MCC: variants seen among roughly 807,000 people sequenced by gnomAD.
MCC encodes colorectal mutant cancer protein.
MCC carries 90 observed loss-of-function variants against 116.2 expected under a neutral mutation model. That is an observed-to-expected ratio of 0.77 (90% confidence interval 0.65 to 0.92). The LOEUF is 0.92. Among genes scored for constraint, MCC ranks in the 40% least tolerant of loss-of-function variants. The probability of loss-of-function intolerance (pLI) is 0.00; values close to 1 mark genes in which losing one functional copy is unlikely to be tolerated. For missense variants in MCC, 1,516 were observed against 1,312.2 expected, an observed-to-expected ratio of 1.16 and a Z score of -2.40; for synonymous variants, 578 against 510.5, an observed-to-expected ratio of 1.13 and a Z score of -1.78.
At chr5:113,150,196 A>G (rs184604204) in intron 4 of MCC, among the ~76,000 whole-genome samples, 3 of 152,324 alleles carry the variant, frequency 2.0e-5, no homozygotes, top group Admixed American at 2.0e-4. Flanking sequence ...CCAGACAGTG[A>G]CAGAAAGCAG....
intron 1 of MCC, among the ~76,000 whole-genome samples, chr5:113,439,593 G>GT (rs1561573562): frequency 1.3e-5 from 2 of 152,178 alleles, no homozygotes; most frequent in African/African-American, 2.4e-5. Flanking sequence ...ATGGCCAGTC[G>GT]TAAGTTTTCT....
chr5:113,247,922 T>C (rs929618238), intron 3 of MCC, among the ~76,000 whole-genome samples: 1 of 151,944 alleles, frequency 6.6e-6, no homozygotes, highest in Non-Finnish European at 1.5e-5. Context: ...TGGAAAGCCA[T>C]CAGGAAGCAC....
chr5:113,246,321 A>T (rs915648834), intron 3 of MCC, among the ~76,000 whole-genome samples: 1 of 152,206 alleles, frequency 6.6e-6, no homozygotes, highest in African/African-American at 2.4e-5. Flanking sequence ...TGATAAGCTG[A>T]AAAGTTCATC....
rs758312306 is a variant in MCC, at chr5:113,068,743, T to G, written c.1926-560A>C. On this transcript the variant is annotated intron_variant, in intron 12 of 18. Transcript: ENST00000408903. ...CAGCCCTATGGAGAGGTCCACATGGTGAGTAATGACTAAGGCCTCCAGCCA... is the reference window on the plus strand; with the variant it reads ...CAGCCCTATGGAGAGGTCCACATGGGGAGTAATGACTAAGGCCTCCAGCCA... Among the ~76,000 whole-genome samples the G allele has an allele frequency of 5.3e-4, 80 of 152,202 alleles. 1 individual carries two copies. The highest frequency in any genetic ancestry group is 1.1e-3 in the Non-Finnish European group (74 of 68,034).
chr5:113,050,080 G>A lies in MCC; in HGVS notation c.2449-781C>T, dbSNP rs142125697. On this transcript the variant is annotated intron_variant, in intron 15 of 18. Coordinates refer to ENST00000408903, the MANE Select transcript of MCC (RefSeq NM_001085377.2). Reference sequence around the variant, plus strand: ...GCACTGTGCTAAGTGTTCACATGACGTGGCTCATTTCATCTTCCCAACCTG... The same window carrying A: ...GCACTGTGCTAAGTGTTCACATGACATGGCTCATTTCATCTTCCCAACCTG... Among the ~76,000 whole-genome samples the A allele has an allele frequency of 3.9e-5, 6 of 152,326 alleles. No individual in the cohort carries two copies. The East Asian group carries it at 9.6e-4, about 24-fold the overall frequency.
chr5:113,422,375 A>G (rs1158951507), intron 1 of MCC, among the ~76,000 whole-genome samples: 1 of 152,192 alleles, frequency 6.6e-6, no homozygotes, highest in Non-Finnish European at 1.5e-5. Context: ...AGCATTTATT[A>G]TATTTGTTGT....
At chr5:113,481,636 G>A (rs1431732305) in intron 1 of MCC, among the ~76,000 whole-genome samples, 2 of 152,128 alleles carry the variant, frequency 1.3e-5, no homozygotes, top group African/African-American at 4.8e-5. Flanking sequence ...CTACTCAGGA[G>A]GCTGAGGCAG....
chr5:113,243,721 C>T lies in MCC; in HGVS notation c.628-92299G>A, dbSNP rs535138338. On this transcript the variant is annotated intron_variant, in intron 3 of 18. Transcript: ENST00000408903. ...GTCACTGGCTCAATTGCCTCCTGAA[C>T]GAAGTTAGCAACTCCCAGCCAGGAG... Among the ~76,000 whole-genome samples, 37 of 151,894 alleles carry T rather than the reference C, an allele frequency of 2.4e-4. 1 individual carries two copies. Among genetic ancestry groups the T allele is most frequent in the Non-Finnish European group, 4.4e-4 (30 of 67,950 alleles).
intron 3 of MCC, among the ~76,000 whole-genome samples, chr5:113,188,018 G>A (rs1192683141): frequency 6.6e-6 from 1 of 152,128 alleles, no homozygotes; most frequent in Non-Finnish European, 1.5e-5. Flanking sequence ...CTAGAAAGGG[G>A]AAAGCAGAAG....
chr5:113,438,259 T>A (rs552765205), intron 1 of MCC, among the ~76,000 whole-genome samples: 48 of 152,262 alleles, frequency 3.2e-4, no homozygotes, highest in African/African-American at 2.4e-4. Context: ...TAACTTTTTT[T>A]ATTCTATATC....
intron 3 of MCC, among the ~76,000 whole-genome samples, chr5:113,196,520 T>C (rs1762417017): frequency 6.6e-6 from 1 of 152,210 alleles, no homozygotes; most frequent in Non-Finnish European, 1.5e-5. Context: ...TTAAGTGAAA[T>C]ATTTTGATGT....
chr5:113,085,105 T>C lies in MCC; in HGVS notation c.1545+59A>G, dbSNP rs1055774104. On this transcript the variant is annotated intron_variant, in intron 9 of 18. Transcript: ENST00000408903. Reference sequence around the variant, plus strand: ...GCCTGTACAGTGGCTAGGATGAGCCTGGTGCTTCCAGATAACAGGAGGTGT... The same window carrying C: ...GCCTGTACAGTGGCTAGGATGAGCCCGGTGCTTCCAGATAACAGGAGGTGT... The C allele has an allele frequency of 5.6e-6, 9 of 1,611,134 alleles. No homozygotes were observed. The African/African-American group carries it at 8.0e-5, about 14-fold the overall frequency.
chr5:113,077,772 C>G (rs1754558405), intron 11 of MCC, among the ~76,000 whole-genome samples: 2 of 152,066 alleles, frequency 1.3e-5, no homozygotes, highest in Non-Finnish European at 2.9e-5. Flanking sequence ...CCAACACATT[C>G]AAAAGCTAGC....
At chr5:113,038,903 T>C (rs939853571) in intron 17 of MCC, among the ~76,000 whole-genome samples, 3 of 152,322 alleles carry the variant, frequency 2.0e-5, no homozygotes, top group Non-Finnish European at 4.4e-5. Flanking sequence ...ACGTGGCATT[T>C]TACAGAACCA....
chr5:113,151,955 T>G (rs984690546), intron 3 of MCC, among the ~76,000 whole-genome samples: 71 of 152,202 alleles, frequency 4.7e-4, no homozygotes, highest in African/African-American at 1.7e-3. Context: ...CTTGTACAGT[T>G]GACCCATTTA....
chr5:113,183,452 A>C (rs2150310105), intron 3 of MCC, among the ~76,000 whole-genome samples: 1 of 152,262 alleles, frequency 6.6e-6, no homozygotes, highest in East Asian at 1.9e-4. Context: ...AGAAGAAAGG[A>C]GTGTGGATTG....
chr5:113,209,535 C>T (rs538162134), intron 3 of MCC, among the ~76,000 whole-genome samples: 10 of 152,218 alleles, frequency 6.6e-5, no homozygotes, highest in African/African-American at 1.2e-4. Flanking sequence ...GGATATGGGA[C>T]GACTTTTATG....
At chr5:113,487,741 T>G (rs918054079) in intron 1 of MCC, among the ~76,000 whole-genome samples, 2 of 152,238 alleles carry the variant, frequency 1.3e-5, no homozygotes, top group African/African-American at 4.8e-5. Flanking sequence ...ATTCATGGGT[T>G]CTGCGGCACA....
intron 3 of MCC, among the ~76,000 whole-genome samples, chr5:113,199,848 C>T (rs1304592619): frequency 6.6e-6 from 1 of 152,206 alleles, no homozygotes; most frequent in African/African-American, 2.4e-5. Context: ...CCACTCCAAA[C>T]ATCCTGAACT....
Sources: gnomAD v4.1 joint callset for allele counts (sites outside exome capture counted in the v4.1 genomes callset) on GRCh38, gnomAD v4.1.1 for gene constraint, MANE v1.5 for transcripts, NCBI Gene and HGNC (gene_info 2026-07-23, HGNC 2026-07-21) for gene names.